The following COX7A2L variants were observed in gnomAD, a reference collection of about 807,000 sequenced individuals.
COX7A2L encodes the protein cytochrome c oxidase subunit 7A2 like, also known as cytochrome c oxidase subunit 7A2-like, mitochondrial.
In COX7A2L, 18 loss-of-function variants were observed where a neutral mutation model predicts 14.2. The observed-to-expected ratio is 1.27, with a 90% CI of 0.88 to 1.88. COX7A2L has a LOEUF of 1.88. COX7A2L is among the 40% of genes most tolerant of loss of function. The pLI is 0.00. For missense variants in COX7A2L, 179 were observed against 138.8 expected, an observed-to-expected ratio of 1.29 and a Z score of -1.46; for synonymous variants, 65 against 57.4, an observed-to-expected ratio of 1.13 and a Z score of -0.60.
chr2:42,352,361 G>C (rs947883174), intron 2 of COX7A2L, among the ~76,000 whole-genome samples: 1 of 151,998 alleles, frequency 6.6e-6, no homozygotes, highest in African/African-American at 2.4e-5. Flanking sequence ...GCAGGGTCTC[G>C]TTATGCTGCC....
At chr2:42,335,681 A>C (rs10194796) in intron 2 of COX7A2L, among the ~76,000 whole-genome samples, 93,458 of 152,192 alleles carry the variant, frequency 0.61, 29,435 homozygotes, top group East Asian at 0.75. Flanking sequence ...AGTTGAAGCC[A>C]GGTACTCCCG....
downstream of COX7A2L, among the ~76,000 whole-genome samples, chr2:42,348,379 G>A (rs573214527): frequency 2.8e-4 from 43 of 152,208 alleles, no homozygotes; most frequent in African/African-American, 7.0e-4. Context: ...GGAGAAATCC[G>A]GCAGACACAA....
At chr2:42,335,864 G>A (rs1235708199) in intron 2 of COX7A2L, among the ~76,000 whole-genome samples, 2 of 152,228 alleles carry the variant, frequency 1.3e-5, no homozygotes, top group Admixed American at 1.3e-4. Context: ...CGTGTCAAGA[G>A]GTGAAGGGGG....
At chr2:42,340,391 A>C (rs1433129700) in intron 2 of COX7A2L, among the ~76,000 whole-genome samples, 1 of 152,186 alleles carries the variant, frequency 6.6e-6, no homozygotes, top group Admixed American at 6.5e-5. Flanking sequence ...AATTGTTGTA[A>C]GTCTTTTTCC....
chr2:42,335,662 T>C (rs1265620815), intron 2 of COX7A2L, among the ~76,000 whole-genome samples: 1 of 152,234 alleles, frequency 6.6e-6, no homozygotes, highest in African/African-American at 2.4e-5. Context: ...GCCGACTGGC[T>C]GAGTTACGAG....
intron 2 of COX7A2L, among the ~76,000 whole-genome samples, chr2:42,352,016 C>A (rs1310046390): frequency 3.9e-5 from 6 of 152,116 alleles, no homozygotes; most frequent in Admixed American, 3.9e-4. Context: ...GCACGAGAAA[C>A]GTTCTCCATT....
chr2:42,346,637 C>T (rs947974064), downstream of COX7A2L, among the ~76,000 whole-genome samples: 5 of 152,052 alleles, frequency 3.3e-5, no homozygotes, highest in East Asian at 5.8e-4. Flanking sequence ...ACTGCAACAG[C>T]GCCTATTGTC....
At chr2:42,351,893 G>A (rs1411346016) in intron 2 of COX7A2L, among the ~76,000 whole-genome samples, 1 of 152,150 alleles carries the variant, frequency 6.6e-6, no homozygotes, top group Non-Finnish European at 1.5e-5. Context: ...TGAGGTGGGA[G>A]GATCGCTTGA....
At position 42,338,732 on chromosome 2, in the gene COX7A2L, G is replaced by A. The variant is rs1329925049; in HGVS notation, c.193-4863C>T. ...CTAACCACTGGCTACGGTGGAAAAG[G>A]CCTCAGGAAACAGTTTTCACTCACA... On this transcript the variant is annotated intron_variant, in intron 2 of 2. Coordinates refer to the COX7A2L transcript ENST00000468711. This position sits in a 1 kb window ranked among gnomAD's most constrained non-coding sequence, Gnocchi z 4.4. Among the ~76,000 whole-genome samples the A allele has an allele frequency of 6.6e-6, 1 of 152,202 alleles. No individual in the cohort carries two copies.
upstream of COX7A2L, among the ~76,000 whole-genome samples, chr2:42,362,428 A>C (rs1671078771): frequency 6.6e-6 from 1 of 152,238 alleles, no homozygotes; most frequent in Non-Finnish European, 1.5e-5. Context: ...AAACTCATTT[A>C]ATCTTCACAA....
chr2:42,360,831 C>T lies in COX7A2L; in HGVS notation c.72+259G>A, dbSNP rs1024431491. On this transcript the variant is annotated intron_variant, in intron 1 of 2. Transcript: ENST00000234301. ...AACCATCCCTTTTAGACAAGTGACC[C>T]CGGGGGTCACCTTGACCCCTGCAGT... 7.7e-6 allele frequency: 4 copies of T among 518,906 alleles called. No homozygotes were observed. In the African/African-American group the frequency reaches 7.8e-5, roughly 10 times the overall value. 32.1% of individuals were successfully genotyped at this position (518,906 alleles called of 1,614,324 possible). A position where few individuals can be genotyped will look rare whatever the true frequency, so the allele number is the denominator to read the frequency against.
chr2:42,361,245 G>A, upstream of COX7A2L: 3 of 1,341,798 alleles, frequency 2.2e-6, no homozygotes, highest in Non-Finnish European at 3.1e-6. Context: ...GTGGTCCCGA[G>A]ACTCAGCGCA....
In COX7A2L at chr2:42,343,771, T is replaced by C. The variant is rs150125753; in HGVS notation, c.192+9441A>G. Among the ~76,000 whole-genome samples the C allele has an allele frequency of 4.9e-3, 742 of 152,192 alleles. 5 individuals carry two copies. Among genetic ancestry groups the C allele is most frequent in the South Asian group, 0.016 (77 of 4,822 alleles). On this transcript the variant is annotated intron_variant, in intron 2 of 2. Coordinates refer to the COX7A2L transcript ENST00000468711. ...CATGAGGAAAATCAGAAGGAAGACG[T>C]GGGGATGAACAGACCTCAATGTCAG...
At chr2:42,358,571 A>T (rs1043843071) in intron 1 of COX7A2L, among the ~76,000 whole-genome samples, 2 of 152,208 alleles carry the variant, frequency 1.3e-5, no homozygotes, top group South Asian at 4.1e-4. Flanking sequence ...ATCACTCAGA[A>T]ATTTACAATT....
chr2:42,346,326 A>C (rs146247357), downstream of COX7A2L, among the ~76,000 whole-genome samples: 45 of 152,330 alleles, frequency 3.0e-4, no homozygotes, highest in Middle Eastern at 3.4e-3. Context: ...AGTCCTTGTG[A>C]GGCCCAGCTT....
At chr2:42,335,869 A>AG (rs981482941) in intron 2 of COX7A2L, among the ~76,000 whole-genome samples, 5 of 152,184 alleles carry the variant, frequency 3.3e-5, no homozygotes, top group Admixed American at 2.0e-4. Flanking sequence ...CAAGAGGTGA[A>AG]GGGGGGATTA....
At chr2:42,340,295 G>A (rs374703383) in intron 2 of COX7A2L, among the ~76,000 whole-genome samples, 1 of 152,020 alleles carries the variant, frequency 6.6e-6, no homozygotes, top group Admixed American at 6.6e-5. Context: ...TGCCTTCCTC[G>A]CGCCCCTGGG....
At chr2:42,368,506 ACC>A (rs1409677310) in intron 1 of COX7A2L, among the ~76,000 whole-genome samples, 1 of 152,210 alleles carries the variant, frequency 6.6e-6, no homozygotes, top group Non-Finnish European at 1.5e-5. Context: ...TCCTTTTTCC[ACC>A]ATTGTGCAAT....
Position 42,353,276 on chromosome 2 carries a change from G to T in COX7A2L, c.140C>A (p.Ser47Tyr). 1 of 1,614,158 alleles carries T rather than the reference G, an allele frequency of 6.2e-7. No homozygotes were observed. The highest frequency in any genetic ancestry group is 8.5e-7 in the Non-Finnish European group (1 of 1,180,034). ...AGCATAATCATACACTGTGGAATCGGAGGTCAGTTTAGTTGGTGTGGCAAA... is the reference window on the plus strand; with the variant it reads ...AGCATAATCATACACTGTGGAATCGTAGGTCAGTTTAGTTGGTGTGGCAAA... The part of the protein sequence containing the change: ...IIFATPTKLT[S>Y]DSTVYDYAGK... The change falls in exon 2 of 3, where the codon TCC (serine) becomes TAC (tyrosine). Residue 47 changes from serine to tyrosine, a missense_variant. By Grantham distance (144) the Ser-to-Tyr change is moderately radical. Transcript: ENST00000234301.
Sources: gnomAD v4.1 joint callset for allele counts (sites outside exome capture counted in the v4.1 genomes callset) on GRCh38, gnomAD v4.1.1 for gene constraint, Gnocchi (gnomAD v3.1) non-coding constraint, MANE v1.5 for transcripts, NCBI Gene and HGNC (gene_info 2026-07-23, HGNC 2026-07-21) for gene names.